SNRK: variants seen among roughly 807,000 people sequenced by gnomAD.
The protein encoded by SNRK is SNF related kinase.
SNRK carries 3 observed loss-of-function variants against 48.2 expected under a neutral mutation model. The ratio of observed to expected loss-of-function variants is 0.06; its 90% CI spans 0.03 to 0.16. The LOEUF is 0.16. Among genes scored for constraint, SNRK ranks in the 10% least tolerant of loss-of-function variants. The pLI, the probability that SNRK is intolerant of heterozygous loss-of-function variation, is 1.00. For missense variants in SNRK, 627 were observed against 976.0 expected (o/e 0.64, Z 4.76); for synonymous variants, 376 against 366.1 (o/e 1.03, Z -0.31).
At chr3:43,318,793 A>C (rs2091031879) in intron 3 of SNRK, among the ~76,000 whole-genome samples, 1 of 152,104 alleles carries the variant, frequency 6.6e-6, no homozygotes. Flanking sequence ...TGGGAGGCCG[A>C]GGCAGGTGAA....
chr3:43,345,331 C>G (rs1174783026), intron 6 of SNRK, among the ~76,000 whole-genome samples: 2 of 151,976 alleles, frequency 1.3e-5, no homozygotes, highest in Non-Finnish European at 2.9e-5. Flanking sequence ...TCAGAATGAC[C>G]TAGGAGGTAG....
intron 4 of SNRK, among the ~76,000 whole-genome samples, chr3:43,339,669 A>T (rs1055174690): frequency 6.6e-6 from 1 of 151,072 alleles, no homozygotes; most frequent in Non-Finnish European, 1.5e-5. Flanking sequence ...TACAAAACTT[A>T]GCTGGGTGTG....
At chr3:43,302,971 C>G in intron 2 of SNRK, 127 bp from the exon 3 acceptor site, 1 of 417,660 alleles carries the variant, frequency 2.4e-6, no homozygotes, top group Non-Finnish European at 4.2e-6. Context: ...GACCCTGACT[C>G]ATTTTTTATC....
chr3:43,329,845 G>GA, intron 3 of SNRK, among the ~76,000 whole-genome samples: 1 of 152,202 alleles, frequency 6.6e-6, no homozygotes, highest in African/African-American at 2.4e-5. Context: ...ATCTTTAACA[G>GA]AAAAAGAAAG....
At chr3:43,287,751 A>G (rs1270055946) in intron 1 of SNRK, among the ~76,000 whole-genome samples, 1 of 152,228 alleles carries the variant, frequency 6.6e-6, no homozygotes, top group African/African-American at 2.4e-5. Context: ...GGATTGGAGC[A>G]CTATGTCCCA....
rs748283044 is a variant in SNRK, at chr3:43,348,033, G to T, written c.1774G>T (p.Gly592Trp). ...GQSKPSNASG[G>W]VDKASPSENN... ...GAGCAAGCCAAGCAATGCCAGTGGA[G>T]GGGTGGACAAGGCCAGCCCCAGTGA... Residue 592 changes from glycine (G) to tryptophan (W), a missense_variant, in exon 7 of 7, where the codon GGG becomes TGG. Around this residue, in one of 4 missense-constraint regions of SNRK, gnomAD observed 207 missense variants for 234.3 expected, o/e 0.88. Transcript: ENST00000296088. 6.2e-7 allele frequency: 1 copy of T among 1,609,872 alleles called. No individual in the cohort carries two copies. The highest frequency in any genetic ancestry group is 1.7e-5 in the Admixed American group (1 of 59,594).
intron 3 of SNRK, among the ~76,000 whole-genome samples, chr3:43,323,457 G>T (rs1407869391): frequency 6.6e-6 from 1 of 152,210 alleles, no homozygotes; most frequent in Non-Finnish European, 1.5e-5. Context: ...ACAATACCAA[G>T]TGCTGGCAAG....
At chr3:43,296,890 A>T (rs1031622295) in intron 1 of SNRK, among the ~76,000 whole-genome samples, 1 of 152,200 alleles carries the variant, frequency 6.6e-6, no homozygotes. Flanking sequence ...AGCCACACCC[A>T]CATGCTTCAG....
At chr3:43,332,575 C>T (rs2091154584) in intron 4 of SNRK, 3 of 241,040 alleles carry the variant, frequency 1.2e-5, no homozygotes, top group East Asian at 7.8e-5. Context: ...AAATCTATTA[C>T]ATGCCTCTTC....
Position 43,303,513 on chromosome 3 carries a change from A to G in SNRK, c.310A>G (p.Ile104Val). 1.2e-6 allele frequency: 2 copies of G among 1,614,206 alleles called. No individual in the cohort carries two copies. Among genetic ancestry groups the G allele is most frequent in the Non-Finnish European group, 1.7e-6 (2 of 1,180,030 alleles). The change falls in exon 3 of 7, where the codon ATA becomes GTA. Residue 104 changes from isoleucine (I) to valine (V), a missense_variant. Ile to Val is a conservative substitution (Grantham distance 29, BLOSUM62 3). Transcript: ENST00000296088. The surrounding 1 kb of genome is among the most constrained non-coding windows in gnomAD (Gnocchi z 6.2). The stretch of plus-strand genomic sequence containing the variant: ...GGATGGAGGAGATATGTTTGATTAT[A>G]TAATGAAACATGAGGAGGGTCTTAA... ...LGDGGDMFDY[I>V]MKHEEGLNED...
At chr3:43,305,196 G>A (rs984345) in intron 3 of SNRK, among the ~76,000 whole-genome samples, 149,481 of 152,314 alleles carry the variant, frequency 0.98, 73,417 homozygotes, top group East Asian at 1. Flanking sequence ...TTAGAAGACA[G>A]TTTGGCAATA....
chr3:43,300,813 A>C (rs1000669751), intron 2 of SNRK, among the ~76,000 whole-genome samples: 1 of 152,220 alleles, frequency 6.6e-6, no homozygotes, highest in Non-Finnish European at 1.5e-5. Context: ...GCATTGTATC[A>C]GTTTCTTATT....
chr3:43,311,121 C>G (rs919881152), intron 3 of SNRK, among the ~76,000 whole-genome samples: 3 of 152,194 alleles, frequency 2.0e-5, no homozygotes, highest in Admixed American at 6.5e-5. Flanking sequence ...GACACCATCC[C>G]TCTCTCTGTG....
At chr3:43,298,766 C>T (rs2090876743) in intron 1 of SNRK, among the ~76,000 whole-genome samples, 1 of 152,166 alleles carries the variant, frequency 6.6e-6, no homozygotes, top group African/African-American at 2.4e-5. Flanking sequence ...TCAGTATTCC[C>T]TCATTGTGCC....
intron 3 of SNRK, among the ~76,000 whole-genome samples, chr3:43,326,967 A>G (rs17075563): frequency 0.025 from 3,809 of 152,296 alleles, 162 homozygotes; most frequent in African/African-American, 0.085. Flanking sequence ...AATACTAGAC[A>G]TATCAGAAAA....
chr3:43,294,357 TTC>T (rs143441721), intron 1 of SNRK, among the ~76,000 whole-genome samples: 3,801 of 152,294 alleles, frequency 0.025, 158 homozygotes, highest in African/African-American at 0.084. Context: ...TGAAATTAAT[TTC>T]TGTTTCATTT....
At chr3:43,312,217 A>G (rs1301470905) in intron 3 of SNRK, among the ~76,000 whole-genome samples, 1 of 152,176 alleles carries the variant, frequency 6.6e-6, no homozygotes, top group Non-Finnish European at 1.5e-5. Context: ...TGAAAGCTGA[A>G]TTACTTGAAA....
intron 3 of SNRK, among the ~76,000 whole-genome samples, chr3:43,317,331 G>A (rs897552811): frequency 1.3e-5 from 2 of 152,276 alleles, no homozygotes; most frequent in Non-Finnish European, 1.5e-5. Flanking sequence ...GATGAGAGGA[G>A]GATCTGGGGC....
In SNRK at chr3:43,348,008, G is replaced by A. The variant is rs1252161386; in HGVS notation, c.1749G>A (p.Gln583=). The A allele has an allele frequency of 1.9e-6, 3 of 1,612,808 alleles. No homozygotes were observed. In the African/African-American group the frequency reaches 4.0e-5, roughly 22 times the overall value. The change falls in exon 7 of 7, where the codon CAG becomes CAA. Residue 583 remains glutamine, a synonymous_variant. Coordinates refer to ENST00000296088, the MANE Select transcript of SNRK (RefSeq NM_017719.5). ...PPGSEGDGGG[Q]SKPSNASGGV... is the part of the protein sequence containing the mutation. ...GCAGTGAGGGGGATGGCGGGGGCCA[G>A]AGCAAGCCAAGCAATGCCAGTGGAG...
Sources: gnomAD v4.1 joint callset for allele counts (sites outside exome capture counted in the v4.1 genomes callset) on GRCh38, gnomAD v4.1.1 for gene constraint, gnomAD v4.1.1 regional missense constraint, Gnocchi (gnomAD v3.1) non-coding constraint, MANE v1.5 for transcripts, NCBI Gene and HGNC (gene_info 2026-07-23, HGNC 2026-07-21) for gene names.